APP: variants seen among roughly 807,000 people sequenced by gnomAD.
APP encodes amyloid beta precursor protein, also known as amyloid-beta precursor protein.
A neutral mutation model predicts 101.4 loss-of-function variants in APP; 31 were observed. The observed-to-expected ratio is 0.31, with a 90% confidence interval of 0.23 to 0.41. The LOEUF (loss-of-function observed/expected upper bound fraction) is 0.41. Ranked by LOEUF, APP falls within the 10% of genes least tolerant of loss-of-function variation. The probability of loss-of-function intolerance (pLI) is 1.00; values close to 1 mark genes in which losing one functional copy is unlikely to be tolerated. For missense variants in APP, 839 were observed against 1,003.7 expected (o/e 0.84, Z 2.22); for synonymous variants, 366 against 364.4 (o/e 1.00, Z -0.05).
intron 2 of APP, among the ~76,000 whole-genome samples, chr21:26,093,545 C>G: frequency 6.6e-6 from 1 of 152,134 alleles, no homozygotes; most frequent in East Asian, 1.9e-4. Flanking sequence ...TCTTCAGATT[C>G]CTATGGTAAT....
At chr21:26,132,199 C>A (rs2062811034) in intron 1 of APP, among the ~76,000 whole-genome samples, 1 of 152,140 alleles carries the variant, frequency 6.6e-6, no homozygotes, top group African/African-American at 2.4e-5. Flanking sequence ...TGCACTCCAG[C>A]CTCACATAGG....
chr21:26,082,211 C>T (rs767651647), intron 3 of APP, among the ~76,000 whole-genome samples: 2 of 151,100 alleles, frequency 1.3e-5, no homozygotes, highest in Non-Finnish European at 2.9e-5. Context: ...AAGAGTGAAA[C>T]TCCATCTCAA....
At chr21:26,078,605 T>C (rs1271742928) in intron 3 of APP, among the ~76,000 whole-genome samples, 1 of 152,186 alleles carries the variant, frequency 6.6e-6, no homozygotes, top group Non-Finnish European at 1.5e-5. Context: ...CTTCCTTAAA[T>C]TTCATATTCT....
intron 2 of APP, 50 bp from the exon 3 acceptor site, chr21:26,090,122 C>T: frequency 6.2e-7 from 1 of 1,609,534 alleles, no homozygotes; most frequent in Non-Finnish European, 8.5e-7. Flanking sequence ...CAGGGGCTGG[C>T]ATTTACAAGC....
At chr21:26,065,462 T>C (rs2046421721) in intron 3 of APP, among the ~76,000 whole-genome samples, 1 of 152,214 alleles carries the variant, frequency 6.6e-6, no homozygotes, top group African/African-American at 2.4e-5. Flanking sequence ...GGCATTTAAA[T>C]TTTTTAAAAA....
chr21:26,068,813 A>G (rs971451747), intron 3 of APP, among the ~76,000 whole-genome samples: 1 of 152,166 alleles, frequency 6.6e-6, no homozygotes, highest in African/African-American at 2.4e-5. Context: ...TTTCTCACTC[A>G]GACATATCAT....
At chr21:25,999,030 C>A (rs1338527433) in intron 7 of APP, among the ~76,000 whole-genome samples, 1 of 152,228 alleles carries the variant, frequency 6.6e-6, no homozygotes, top group Non-Finnish European at 1.5e-5. Flanking sequence ...GTGGCTCACG[C>A]CTGTAATCCC....
In APP at chr21:26,053,252, T is replaced by C; in HGVS notation, c.452A>G (p.His151Arg). The C allele has an allele frequency of 5.0e-6, 8 of 1,613,300 alleles. No individual in the cohort carries two copies. Among genetic ancestry groups the C allele is most frequent in the Non-Finnish European group, 6.8e-6 (8 of 1,179,252 alleles). Residue 151 changes from histidine to arginine, a missense_variant, in exon 4 of 18, where the codon CAC becomes CGC. By Grantham distance (29) the His-to-Arg change is conservative. Coordinates refer to ENST00000346798, the MANE Select transcript of APP (RefSeq NM_000484.4). ...GGCTGGTACCTCTTTGGCGACGGTG[T>C]GCCAGTGAAGATGAGTTTCGCAAAC... ...MDVCETHLHW[H>R]TVAKETCSEK... is the part of the protein sequence containing the mutation.
chr21:25,995,821 T>C (rs1188865039), intron 8 of APP, among the ~76,000 whole-genome samples: 1 of 152,226 alleles, frequency 6.6e-6, no homozygotes, highest in Non-Finnish European at 1.5e-5. Flanking sequence ...TTCTGAATAT[T>C]TTATGGAGGC....
chr21:25,943,187 C>G (rs1600976284), intron 13 of APP: 1 of 152,704 alleles, frequency 6.5e-6, no homozygotes, highest in African/African-American at 2.4e-5. Flanking sequence ...TGGAGTTTCG[C>G]TCTTGTTGCC....
chr21:25,926,935 G>A (rs1459140212), intron 13 of APP, among the ~76,000 whole-genome samples: 3 of 149,588 alleles, frequency 2.0e-5, no homozygotes, highest in African/African-American at 7.4e-5. Context: ...CCCCGGAGGC[G>A]GAGCTTGCAG....
At chr21:26,017,198 CAAA>C (rs35206910) in intron 6 of APP, among the ~76,000 whole-genome samples, 15 of 56,366 alleles carry the variant, frequency 2.7e-4, no homozygotes, top group Admixed American at 4.4e-4. Context: ...GACTGTATCT[CAAA>C]AAAAAAAAAA....
At chr21:26,150,606 C>T (rs74339111) in intron 1 of APP, among the ~76,000 whole-genome samples, 13,909 of 148,480 alleles carry the variant, frequency 0.094, 897 homozygotes, top group Admixed American at 0.15. Flanking sequence ...TCTAGATAGA[C>T]AGATAGATAG....
chr21:26,106,485 A>G (rs2062186014), intron 2 of APP, among the ~76,000 whole-genome samples: 1 of 152,122 alleles, frequency 6.6e-6, no homozygotes, highest in Admixed American at 6.5e-5. Context: ...CCTTTCCAAG[A>G]CCCAGGCAAT....
chr21:26,167,405 T>C (rs2063641326), intron 1 of APP, among the ~76,000 whole-genome samples: 2 of 152,366 alleles, frequency 1.3e-5, no homozygotes, highest in South Asian at 4.1e-4. Context: ...TAATGAAAGA[T>C]GCTTTGTAAG....
At chr21:26,021,194 C>T (rs1204611024) in intron 6 of APP, among the ~76,000 whole-genome samples, 3 of 151,966 alleles carry the variant, frequency 2.0e-5, no homozygotes, top group Non-Finnish European at 2.9e-5. Flanking sequence ...ATTACAGGTG[C>T]GTGCCACCAC....
intron 1 of APP, among the ~76,000 whole-genome samples, chr21:26,139,180 G>A (rs989828235): frequency 2.6e-5 from 4 of 152,126 alleles, no homozygotes; most frequent in Admixed American, 2.6e-4. Context: ...TAAGTAAATT[G>A]AAAAGTTTGT....
intron 1 of APP, among the ~76,000 whole-genome samples, chr21:26,116,008 G>A (rs756256840): frequency 9.2e-5 from 14 of 152,262 alleles, no homozygotes; most frequent in South Asian, 2.1e-4. Context: ...ATAACTGGCC[G>A]TTTGTGGTCT....
chr21:26,167,228 A>C (rs2063637178), intron 1 of APP, among the ~76,000 whole-genome samples: 1 of 152,030 alleles, frequency 6.6e-6, no homozygotes, highest in South Asian at 2.1e-4. Context: ...TGCATGTTTT[A>C]TTTACCCTGC....
Sources: gnomAD v4.1 joint callset for allele counts (sites outside exome capture counted in the v4.1 genomes callset) on GRCh38, gnomAD v4.1.1 for gene constraint, MANE v1.5 for transcripts, NCBI Gene and HGNC (gene_info 2026-07-23, HGNC 2026-07-21) for gene names.